The following DOCK1 variants were observed in gnomAD, a reference collection of about 807,000 sequenced individuals.
DOCK1 encodes dedicator of cytokinesis 1.
A neutral mutation model predicts 262.7 loss-of-function variants in DOCK1; 138 were observed. That is an observed-to-expected ratio of 0.53 (90% CI 0.46 to 0.61). The LOEUF (loss-of-function observed/expected upper bound fraction) is 0.61, where lower values mean the gene tolerates loss of function less well. DOCK1 is among the 20% of genes least tolerant of loss of function. The probability of loss-of-function intolerance (pLI) is 0.00; values close to 1 mark genes in which losing one functional copy is unlikely to be tolerated. For synonymous variants in DOCK1, 866 were observed against 867.4 expected, an observed-to-expected ratio of 1.00 and a Z score of 0.03; for missense variants, 1,908 against 2,370.7, an observed-to-expected ratio of 0.80 and a Z score of 4.05.
At chr10:126,986,402 C>T (rs1419614147) in intron 4 of DOCK1, among the ~76,000 whole-genome samples, 1 of 152,276 alleles carries the variant, frequency 6.6e-6, no homozygotes, top group Non-Finnish European at 1.5e-5. Flanking sequence ...TAGCATCCCT[C>T]GGCATCCCAT....
intron 47 of DOCK1, among the ~76,000 whole-genome samples, chr10:127,429,481 T>G (rs2069132901): frequency 6.6e-6 from 1 of 152,122 alleles, no homozygotes; most frequent in African/African-American, 2.4e-5. Context: ...CAATCTAGTA[T>G]CACCCTGTTT....
chr10:127,396,896 C>T (rs1480854247), intron 38 of DOCK1, among the ~76,000 whole-genome samples: 1 of 152,082 alleles, frequency 6.6e-6, no homozygotes, highest in Non-Finnish European at 1.5e-5. Flanking sequence ...GCAGTGACTC[C>T]TATGTGATCT....
At chr10:127,091,706 C>T (rs942803749) in intron 23 of DOCK1, among the ~76,000 whole-genome samples, 2 of 152,304 alleles carry the variant, frequency 1.3e-5, no homozygotes, top group South Asian at 2.1e-4. Flanking sequence ...CAGAGAAGAG[C>T]GTGTCAAAAT....
chr10:127,041,272 T>C (rs9418811), intron 19 of DOCK1, among the ~76,000 whole-genome samples: 25,709 of 152,108 alleles, frequency 0.17, 2,346 homozygotes, highest in South Asian at 0.32. Flanking sequence ...TAGTTTTGTA[T>C]TTTTAGTAGA....
chr10:127,141,680 A>C (rs77858083), intron 27 of DOCK1, among the ~76,000 whole-genome samples: 1,549 of 151,734 alleles, frequency 0.01, 24 homozygotes, highest in African/African-American at 0.031. Flanking sequence ...TTAAAACAAA[A>C]AAAAAAAAAA....
intron 39 of DOCK1, 132 bp from the exon 40 acceptor site, chr10:127,404,193 C>A: frequency 1.6e-6 from 1 of 641,100 alleles, no homozygotes; most frequent in Non-Finnish European, 2.7e-6. Context: ...CTCCCACCAT[C>A]TCCCTCTCCC....
chr10:126,982,961 A>G (rs1706470140), intron 4 of DOCK1, among the ~76,000 whole-genome samples: 1 of 152,224 alleles, frequency 6.6e-6, no homozygotes. Context: ...AAGCACTTTG[A>G]TGTATACAAA....
chr10:126,921,217 A>G (rs9794744), intron 1 of DOCK1, among the ~76,000 whole-genome samples: 17,003 of 151,248 alleles, frequency 0.11, 1,114 homozygotes, highest in Middle Eastern at 0.21. Context: ...AAAAAAAAAA[A>G]AAGTTCAAAC....
intron 38 of DOCK1, among the ~76,000 whole-genome samples, chr10:127,393,045 C>T (rs1408869098): frequency 6.6e-6 from 1 of 152,234 alleles, no homozygotes; most frequent in Admixed American, 6.5e-5. Context: ...ATCCACAGAA[C>T]TTACCGACCT....
intron 38 of DOCK1, among the ~76,000 whole-genome samples, chr10:127,385,246 C>G (rs545379843): frequency 6.6e-6 from 1 of 152,096 alleles, no homozygotes; most frequent in Non-Finnish European, 1.5e-5. Context: ...TCTGTTGGCA[C>G]GGAAGAATTA....
intron 27 of DOCK1, among the ~76,000 whole-genome samples, chr10:127,181,193 T>C (rs1453250473): frequency 1.3e-5 from 2 of 152,262 alleles, no homozygotes; most frequent in Non-Finnish European, 2.9e-5. Context: ...CATAGGTATA[T>C]ACGTGCCTGC....
chr10:127,110,299 C>T lies in DOCK1; in HGVS notation c.2568C>T (p.Ile856=), dbSNP rs565727397. 9.3e-6 allele frequency: 15 copies of T among 1,613,590 alleles called. No individual in the cohort carries two copies. Among genetic ancestry groups the T allele is most frequent in the Non-Finnish European group, 1.3e-5 (15 of 1,179,818 alleles). Residue 856 remains isoleucine, a synonymous_variant, in exon 25 of 52, where the codon ATC becomes ATT. Transcript: ENST00000623213. The part of the protein sequence containing the change: ...ILNVPMGLLT[I]QKLYCLIEIV... ...ATGTTCCCATGGGCTTGCTGACCAT[C>T]CAGAAACTCTACTGCTTGATCGAAA...
chr10:127,452,496 A>T lies in DOCK1; in HGVS notation c.*1069A>T, dbSNP rs535453213. On this transcript the variant is annotated 3_prime_UTR_variant, in exon 52 of 52. Coordinates refer to ENST00000623213, the MANE Select transcript of DOCK1 (RefSeq NM_001290223.2). ...AAAAGTTAATCATTGACAACGAAAAATAAAATGTTATTTTAAAAGACTCAC... is the reference window on the plus strand; with the variant it reads ...AAAAGTTAATCATTGACAACGAAAATTAAAATGTTATTTTAAAAGACTCAC... The T allele has an allele frequency of 6.5e-6, 1 of 152,808 alleles. No individual in the cohort carries two copies. Among genetic ancestry groups the T allele is most frequent in the African/African-American group, 2.4e-5 (1 of 41,598 alleles). 9.5% of individuals were successfully genotyped at this position (152,808 alleles called of 1,614,324 possible).
At chr10:127,317,633 A>G (rs1402401912) in intron 29 of DOCK1, among the ~76,000 whole-genome samples, 1 of 152,106 alleles carries the variant, frequency 6.6e-6, no homozygotes, top group Admixed American at 6.5e-5. Flanking sequence ...CACCAAAACC[A>G]CCTTGTGCTG....
chr10:127,090,647 A>T (rs1007697097), intron 23 of DOCK1, among the ~76,000 whole-genome samples: 1 of 152,148 alleles, frequency 6.6e-6, no homozygotes, highest in Non-Finnish European at 1.5e-5. Context: ...CAGCCGTTAC[A>T]GTCACTCTGT....
At chr10:126,947,272 TTGG>T (rs1364435885) in intron 1 of DOCK1, among the ~76,000 whole-genome samples, 4 of 146,028 alleles carry the variant, frequency 2.7e-5, no homozygotes, top group South Asian at 2.3e-4. Flanking sequence ...AGTACTACTG[TTGG>T]TGGTGATGGT....
At chr10:126,941,754 C>G (rs1015285583) in intron 1 of DOCK1, among the ~76,000 whole-genome samples, 11 of 145,980 alleles carry the variant, frequency 7.5e-5, no homozygotes, top group Non-Finnish European at 1.2e-4. Flanking sequence ...GACTCCATCT[C>G]AAAACAGACA....
At chr10:127,444,059 T>A in intron 49 of DOCK1, 67 bp from the exon 50 acceptor site, 2 of 1,538,988 alleles carry the variant, frequency 1.3e-6, no homozygotes, top group Non-Finnish European at 1.8e-6. Context: ...AACATAGGAA[T>A]TTAGGTGGAA....
chr10:126,952,405 ATTG>A (rs2036336049), intron 1 of DOCK1, among the ~76,000 whole-genome samples: 2 of 147,770 alleles, frequency 1.4e-5, no homozygotes, highest in African/African-American at 2.5e-5. Flanking sequence ...TGGCGGTAGT[ATTG>A]TTGGTAGTGT....
Sources: gnomAD v4.1 joint callset for allele counts (sites outside exome capture counted in the v4.1 genomes callset) on GRCh38, gnomAD v4.1.1 for gene constraint, MANE v1.5 for transcripts, NCBI Gene and HGNC (gene_info 2026-07-23, HGNC 2026-07-21) for gene names.